POU2F1: variants seen among roughly 807,000 people sequenced by gnomAD.
POU2F1 encodes POU domain, class 2, transcription factor 1.
Under a neutral mutation model 84.9 loss-of-function variants are expected in POU2F1, and 16 were observed. The ratio of observed to expected loss-of-function variants is 0.19; its 90% CI spans 0.13 to 0.29. The LOEUF (loss-of-function observed/expected upper bound fraction) is 0.29. Among genes scored for constraint, POU2F1 ranks in the 10% least tolerant of loss-of-function variants. POU2F1 has a pLI of 1.00. For missense variants in POU2F1, 738 were observed against 942.6 expected (o/e 0.78, Z 2.84); for synonymous variants, 368 against 368.3 (o/e 1.00, Z 0.01).
chr1:167,309,048 G>A (rs1655278770), intron 1 of POU2F1, among the ~76,000 whole-genome samples: 1 of 149,612 alleles, frequency 6.7e-6, no homozygotes, highest in Non-Finnish European at 1.5e-5. Context: ...CCTTCAAACT[G>A]GTCTTGTATC....
intron 1 of POU2F1, among the ~76,000 whole-genome samples, chr1:167,307,469 CAA>C (rs11354171): frequency 0.081 from 11,173 of 137,668 alleles, 1,300 homozygotes; most frequent in African/African-American, 0.27. Flanking sequence ...CTAGGATAAC[CAA>C]AAAAAAAAAA....
At chr1:167,345,600 G>T (rs984808959) in intron 2 of POU2F1, among the ~76,000 whole-genome samples, 1 of 152,160 alleles carries the variant, frequency 6.6e-6, no homozygotes, top group Non-Finnish European at 1.5e-5. Context: ...AGCTGCTACC[G>T]TTTAACTGGC....
intron 1 of POU2F1, among the ~76,000 whole-genome samples, chr1:167,326,978 T>C (rs1277871872): frequency 2.6e-5 from 4 of 152,094 alleles, no homozygotes; most frequent in African/African-American, 4.8e-5. Context: ...AGGAGGGAAA[T>C]AAACATTTAT....
intron 1 of POU2F1, among the ~76,000 whole-genome samples, chr1:167,240,690 A>G (rs1649834079): frequency 6.6e-6 from 1 of 152,200 alleles, no homozygotes; most frequent in Non-Finnish European, 1.5e-5. Context: ...CTGCATAAAC[A>G]TATTTAATAT....
intron 2 of POU2F1, among the ~76,000 whole-genome samples, chr1:167,364,856 A>G (rs1659580964): frequency 6.6e-6 from 1 of 152,122 alleles, no homozygotes; most frequent in South Asian, 2.1e-4. Flanking sequence ...GGCATAAGCC[A>G]TTACACCCAG....
intron 1 of POU2F1, among the ~76,000 whole-genome samples, chr1:167,263,540 A>G (rs1651729245): frequency 6.6e-6 from 1 of 151,466 alleles, no homozygotes; most frequent in Non-Finnish European, 1.5e-5. Context: ...GGCCCTATTC[A>G]CCTGTTGGCT....
chr1:167,326,786 C>G (rs1248828635), intron 1 of POU2F1, among the ~76,000 whole-genome samples: 1 of 152,142 alleles, frequency 6.6e-6, no homozygotes, highest in Admixed American at 6.6e-5. Context: ...AGACACACTC[C>G]TTTGTTAGCA....
intron 1 of POU2F1, among the ~76,000 whole-genome samples, chr1:167,244,022 A>G (rs778578267): frequency 6.6e-6 from 1 of 152,082 alleles, no homozygotes; most frequent in Non-Finnish European, 1.5e-5. Context: ...CATATTGCCA[A>G]TCTCCTACTC....
chr1:167,252,423 A>G (rs999127801), intron 1 of POU2F1, among the ~76,000 whole-genome samples: 8 of 152,202 alleles, frequency 5.3e-5, no homozygotes, highest in African/African-American at 1.9e-4. Flanking sequence ...TTGTGCCTAC[A>G]AAACAGCAGT....
At chr1:167,255,697 G>C (rs1179947131) in intron 1 of POU2F1, among the ~76,000 whole-genome samples, 1 of 152,164 alleles carries the variant, frequency 6.6e-6, no homozygotes, top group East Asian at 1.9e-4. Context: ...CGCAGTTGGA[G>C]AGGAAGAGGA....
chr1:167,295,251 C>G lies in POU2F1; in HGVS notation c.62-37219C>G, dbSNP rs532629039. Among the ~76,000 whole-genome samples, 105 of 152,226 alleles carry G rather than the reference C, an allele frequency of 6.9e-4. 1 individual carries two copies. The highest frequency in any genetic ancestry group is 2.5e-3 in the African/African-American group (102 of 41,524). ...CATGCATGTTTATTGCAGCCCAATT[C>G]ACAGTTGCAAAGATATGGAACCAAC... On this transcript the variant is annotated intron_variant, in intron 1 of 15. Transcript: ENST00000367866.
intron 1 of POU2F1, among the ~76,000 whole-genome samples, chr1:167,253,039 C>T (rs1258356680): frequency 6.6e-6 from 1 of 152,160 alleles, no homozygotes; most frequent in Non-Finnish European, 1.5e-5. Context: ...TCTTTTATCA[C>T]CATATGTGTT....
At chr1:167,359,359 C>T (rs1364281636) in intron 2 of POU2F1, among the ~76,000 whole-genome samples, 1 of 152,088 alleles carries the variant, frequency 6.6e-6, no homozygotes, top group Non-Finnish European at 1.5e-5. Flanking sequence ...CTTCCCTTCC[C>T]CCTTTTGGAA....
intron 2 of POU2F1, among the ~76,000 whole-genome samples, chr1:167,337,228 A>G (rs368164762): frequency 6.6e-6 from 1 of 151,198 alleles, no homozygotes; most frequent in East Asian, 1.9e-4. Context: ...TTGGGGGAAG[A>G]GGTGGAAGAA....
chr1:167,372,350 A>C (rs1660065563), intron 5 of POU2F1, among the ~76,000 whole-genome samples: 1 of 152,232 alleles, frequency 6.6e-6, no homozygotes, highest in Non-Finnish European at 1.5e-5. Flanking sequence ...AGATCATTAC[A>C]CTGAAAATGG....
chr1:167,289,151 G>A (rs1188535588), intron 1 of POU2F1, among the ~76,000 whole-genome samples: 1 of 152,108 alleles, frequency 6.6e-6, no homozygotes, highest in Non-Finnish European at 1.5e-5. Context: ...ATAAATGAGT[G>A]GTCTGAGCAC....
chr1:167,337,140 G>A (rs1178715080), intron 2 of POU2F1, among the ~76,000 whole-genome samples: 1 of 150,310 alleles, frequency 6.7e-6, no homozygotes. Context: ...TCCAGCCTGG[G>A]CAACAAGAGC....
Position 167,399,968 on chromosome 1 carries a change from C to CT in POU2F1, c.1449+632dup, listed in dbSNP as rs67562017. On this transcript the variant is annotated intron_variant, in intron 12 of 15. Coordinates refer to ENST00000367866, the MANE Select transcript of POU2F1 (RefSeq NM_002697.4). ...ACGGGTGTGAGCCACCATTCCCAGT[C>CT]TTTTTTTTTTTTTTTTTTTTTTTTT... Among the ~76,000 whole-genome samples, 290 of 61,424 alleles carry CT rather than the reference C, an allele frequency of 4.7e-3. 19 individuals carry two copies. The highest frequency in any genetic ancestry group is 7.1e-3 in the African/African-American group (100 of 14,010). 40.3% of individuals were successfully genotyped at this position (61,424 alleles called of 152,430 possible).
chr1:167,295,411 A>G (rs1654228129), intron 1 of POU2F1, among the ~76,000 whole-genome samples: 1 of 152,222 alleles, frequency 6.6e-6, no homozygotes, highest in South Asian at 2.1e-4. Context: ...CATTATTCTA[A>G]GTGAAGTAAC....
Sources: allele counts gnomAD v4.1 joint callset (sites outside exome capture counted in the v4.1 genomes callset), GRCh38; gene constraint gnomAD v4.1.1; transcripts MANE v1.5; gene names NCBI Gene and HGNC (gene_info 2026-07-23, HGNC 2026-07-21).